The following KCNJ6 variants were observed in gnomAD, a reference collection of about 807,000 sequenced individuals.
KCNJ6 encodes potassium inwardly rectifying channel subfamily J member 6.
Under a neutral mutation model 34.2 loss-of-function variants are expected in KCNJ6, and 9 were observed. The observed-to-expected ratio is 0.26, with a 90% CI of 0.16 to 0.46. The LOEUF is 0.46. KCNJ6 is among the 20% of genes least tolerant of loss of function. KCNJ6 has a pLI of 1.00. For missense variants in KCNJ6, 236 were observed against 531.3 expected (o/e 0.44, Z 5.46); for synonymous variants, 196 against 207.1 (o/e 0.95, Z 0.46).
At chr21:37,848,170 C>T (rs931535881) in intron 1 of KCNJ6, among the ~76,000 whole-genome samples, 8 of 152,106 alleles carry the variant, frequency 5.3e-5, no homozygotes, top group African/African-American at 1.4e-4. Context: ...GTGTGAAGAC[C>T]GTGGCAACCC....
intron 3 of KCNJ6, among the ~76,000 whole-genome samples, chr21:37,687,830 C>T (rs752606351): frequency 6.6e-6 from 1 of 152,200 alleles, no homozygotes; most frequent in Non-Finnish European, 1.5e-5. Flanking sequence ...GTGGCATCTT[C>T]TGTGATTGCA....
chr21:37,767,521 C>G (rs2123500735), intron 2 of KCNJ6, among the ~76,000 whole-genome samples: 1 of 152,294 alleles, frequency 6.6e-6, no homozygotes, highest in South Asian at 2.1e-4. Context: ...CACTGCCAAC[C>G]CTGAACTCTC....
rs1488097849 is a variant in KCNJ6, at chr21:37,778,689, C to CTGTG, written c.25+61965_25+61968dup. On this transcript the variant is annotated intron_variant, in intron 2 of 3. Transcript: ENST00000609713. ...CCACTACATTGTGTGTATCCGTGTG[C>CTGTG]TGTGTGCGTGTGTGTGTGTGTGTGT... Among the ~76,000 whole-genome samples the CTGTG allele has an allele frequency of 3.7e-3, 490 of 130,820 alleles. 2 individuals carry two copies. Among genetic ancestry groups the CTGTG allele is most frequent in the African/African-American group, 0.013 (450 of 33,624 alleles). The allele number at this position is 130,820 out of a possible 152,430, so 85.8% of individuals were successfully genotyped here.
intron 3 of KCNJ6, among the ~76,000 whole-genome samples, chr21:37,676,247 G>GA (rs1483971229): frequency 1.6e-4 from 25 of 152,344 alleles, no homozygotes; most frequent in African/African-American, 5.8e-4. Context: ...AAGGGTACAG[G>GA]GGTCCTTTCT....
chr21:37,853,145 TA>T lies in KCNJ6; in HGVS notation c.-27-12437del, dbSNP rs796751868. Among the ~76,000 whole-genome samples, 699 of 111,066 alleles carry T rather than the reference TA, an allele frequency of 6.3e-3. 2 individuals carry two copies. The highest frequency in any genetic ancestry group is 8.9e-3 in the Non-Finnish European group (461 of 51,600). The allele number at this position is 111,066 out of a possible 152,430, so 72.9% of individuals were successfully genotyped here. On this transcript the variant is annotated intron_variant, in intron 1 of 3. Transcript: ENST00000609713. Reference sequence around the variant, plus strand: ...AATAATGGCTGCAATTTTTTCAAATTAAAAAAAAAAAAAAACAACTACAGAT... The same window carrying T: ...AATAATGGCTGCAATTTTTTCAAATTAAAAAAAAAAAAAACAACTACAGAT...
At chr21:37,748,262 A>T (rs962442622) in intron 2 of KCNJ6, among the ~76,000 whole-genome samples, 1 of 152,196 alleles carries the variant, frequency 6.6e-6, no homozygotes, top group African/African-American at 2.4e-5. Flanking sequence ...TGTATCTTGC[A>T]CCTGAGGGTG....
chr21:37,769,518 T>G (rs2055107972), intron 2 of KCNJ6, among the ~76,000 whole-genome samples: 1 of 151,746 alleles, frequency 6.6e-6, no homozygotes, highest in Non-Finnish European at 1.5e-5. Context: ...TAAGCCACTC[T>G]GGATGCAACG....
At chr21:37,678,641 T>TGGATGGATGACTGGATGGGTGGAC (rs1247572974) in intron 3 of KCNJ6, among the ~76,000 whole-genome samples, 3 of 152,044 alleles carry the variant, frequency 2.0e-5, no homozygotes, top group African/African-American at 7.2e-5. Flanking sequence ...GGTGGGTGGA[T>TGGATGGATGACTGGATGGGTGGAC]GGATGGATGA....
intron 1 of KCNJ6, among the ~76,000 whole-genome samples, chr21:37,893,966 A>T (rs16995632): frequency 6.6e-6 from 1 of 152,154 alleles, no homozygotes; most frequent in South Asian, 2.1e-4. Context: ...CACTGATTCT[A>T]TTCAACATCC....
chr21:37,708,988 T>A (rs1332834658), intron 3 of KCNJ6, among the ~76,000 whole-genome samples: 1 of 152,228 alleles, frequency 6.6e-6, no homozygotes, highest in African/African-American at 2.4e-5. Flanking sequence ...CAGAACATCA[T>A]GTTCTTCCAG....
At chr21:37,903,445 C>G (rs951338042) in intron 1 of KCNJ6, among the ~76,000 whole-genome samples, 1 of 152,168 alleles carries the variant, frequency 6.6e-6, no homozygotes, top group East Asian at 1.9e-4. Context: ...TTATAAATCA[C>G]CCAGTCTCAG....
chr21:37,841,349 C>T (rs1015738679), intron 1 of KCNJ6, among the ~76,000 whole-genome samples: 9 of 152,234 alleles, frequency 5.9e-5, no homozygotes, highest in African/African-American at 1.9e-4. Flanking sequence ...ATTAAGAATA[C>T]TGGTCATCTC....
chr21:37,655,938 C>A (rs192546689), intron 3 of KCNJ6, among the ~76,000 whole-genome samples: 29 of 152,310 alleles, frequency 1.9e-4, no homozygotes, highest in East Asian at 7.7e-4. Flanking sequence ...CTCTTTCCCA[C>A]ACACAGCCCT....
chr21:37,655,217 GTGTGTGTGAGAGAGAGAGAGA>G (rs1569438899), intron 3 of KCNJ6, among the ~76,000 whole-genome samples: 1,129 of 93,308 alleles, frequency 0.012, 51 homozygotes, highest in African/African-American at 0.039. Context: ...GTGTGTGTGT[GTGTGTGTGAGAGAGAGAGAGA>G]GAGAGAGAGA....
intron 1 of KCNJ6, among the ~76,000 whole-genome samples, chr21:37,855,651 T>G (rs925646359): frequency 6.6e-6 from 1 of 152,196 alleles, no homozygotes; most frequent in African/African-American, 2.4e-5. Context: ...TGACTGCATC[T>G]GCTGGGGGCC....
chr21:37,649,563 C>A (rs571583015), intron 3 of KCNJ6, among the ~76,000 whole-genome samples: 1 of 152,058 alleles, frequency 6.6e-6, no homozygotes, highest in African/African-American at 2.4e-5. Context: ...AGGCTGTCTG[C>A]GGCACCACCG....
chr21:37,889,518 T>C (rs750489780), intron 1 of KCNJ6, among the ~76,000 whole-genome samples: 36 of 151,864 alleles, frequency 2.4e-4, no homozygotes, highest in Non-Finnish European at 3.8e-4. Context: ...GAGAAGAAGG[T>C]TTTGGGTGGT....
chr21:37,749,218 A>AAGG (rs1419993692), intron 2 of KCNJ6, among the ~76,000 whole-genome samples: 1 of 152,112 alleles, frequency 6.6e-6, no homozygotes, highest in Non-Finnish European at 1.5e-5. Flanking sequence ...GCTGGTCTCG[A>AAGG]GGGCATCTTT....
chr21:37,891,130 G>C (rs1246045568), intron 1 of KCNJ6, among the ~76,000 whole-genome samples: 1 of 152,138 alleles, frequency 6.6e-6, no homozygotes, highest in Admixed American at 6.5e-5. Context: ...AAGGCATAGG[G>C]GACGGGCTTT....
Sources: allele counts gnomAD v4.1 joint callset (sites outside exome capture counted in the v4.1 genomes callset), GRCh38; gene constraint gnomAD v4.1.1; transcripts MANE v1.5; gene names NCBI Gene and HGNC (gene_info 2026-07-23, HGNC 2026-07-21).